SUCLG2: variants seen among roughly 807,000 people sequenced by gnomAD.
SUCLG2 encodes the protein succinate--CoA ligase [GDP-forming] subunit beta, mitochondrial.
Under a neutral mutation model 47.9 loss-of-function variants are expected in SUCLG2, and 42 were observed. That is an observed-to-expected ratio of 0.88 (90% CI 0.69 to 1.14). SUCLG2 has a LOEUF of 1.14. Ranked by LOEUF, SUCLG2 falls within the 50% of genes most tolerant of loss-of-function variation. The probability of loss-of-function intolerance (pLI) is 0.00; values close to 1 mark genes in which losing one functional copy is unlikely to be tolerated. For missense variants in SUCLG2, 571 were observed against 525.9 expected, an observed-to-expected ratio of 1.09 and a Z score of -0.84; for synonymous variants, 195 against 197.3, an observed-to-expected ratio of 0.99 and a Z score of 0.10.
intron 9 of SUCLG2, among the ~76,000 whole-genome samples, chr3:67,469,074 T>C (rs1228615058): frequency 1.3e-5 from 2 of 152,040 alleles, no homozygotes; most frequent in Admixed American, 6.5e-5. Flanking sequence ...AGTCGAAGTC[T>C]TGAAGATGGA....
intron 9 of SUCLG2, among the ~76,000 whole-genome samples, chr3:67,472,940 TA>T (rs1243242056): frequency 1.1e-4 from 17 of 152,084 alleles, no homozygotes; most frequent in African/African-American, 3.9e-4. Context: ...TGACTAAAAG[TA>T]TAAGGGTGTA....
At chr3:67,426,571 T>C (rs938391973) in intron 9 of SUCLG2, among the ~76,000 whole-genome samples, 7 of 152,178 alleles carry the variant, frequency 4.6e-5, no homozygotes, top group African/African-American at 7.2e-5. Context: ...TTTTCTCCAG[T>C]ATTGAAATGT....
chr3:67,628,682 G>A (rs950477109), intron 1 of SUCLG2, among the ~76,000 whole-genome samples: 1 of 152,138 alleles, frequency 6.6e-6, no homozygotes, highest in African/African-American at 2.4e-5. Flanking sequence ...ATAAAGGAGA[G>A]TTCCCTGCAC....
intron 1 of SUCLG2, among the ~76,000 whole-genome samples, chr3:67,632,139 A>G (rs1367600818): frequency 6.6e-6 from 1 of 152,160 alleles, no homozygotes; most frequent in Non-Finnish European, 1.5e-5. Flanking sequence ...GTACAAATAA[A>G]TAGACAAATA....
intron 1 of SUCLG2, among the ~76,000 whole-genome samples, chr3:67,651,930 G>A (rs13318896): frequency 3.3e-4 from 50 of 152,078 alleles, no homozygotes; most frequent in African/African-American, 1.1e-3. Context: ...TTCATTATTG[G>A]TTATATGTGT....
At chr3:67,382,932 T>G (rs1420267455) in intron 10 of SUCLG2, among the ~76,000 whole-genome samples, 1 of 152,166 alleles carries the variant, frequency 6.6e-6, no homozygotes, top group East Asian at 1.9e-4. Flanking sequence ...CCTTCCTTAG[T>G]CTCCTTTCAA....
At chr3:67,594,329 CCCATTTG>C (rs1708245884) in intron 2 of SUCLG2, among the ~76,000 whole-genome samples, 1 of 152,320 alleles carries the variant, frequency 6.6e-6, no homozygotes, top group East Asian at 1.9e-4. Context: ...TGGGCTCCAA[CCCATTTG>C]CCAGACCTCA....
chr3:67,495,004 G>A (rs964939108), intron 9 of SUCLG2, among the ~76,000 whole-genome samples: 2 of 152,186 alleles, frequency 1.3e-5, no homozygotes, highest in African/African-American at 4.8e-5. Flanking sequence ...TAGTACATAT[G>A]TTACAAACTA....
At chr3:67,422,859 A>C (rs1703201605) in intron 9 of SUCLG2, among the ~76,000 whole-genome samples, 1 of 152,154 alleles carries the variant, frequency 6.6e-6, no homozygotes, top group South Asian at 2.1e-4. Context: ...CAGCTACACC[A>C]AGAGAGATGG....
chr3:67,591,780 T>C (rs114485477), intron 2 of SUCLG2, among the ~76,000 whole-genome samples: 1,958 of 152,294 alleles, frequency 0.013, 41 homozygotes, highest in African/African-American at 0.045. Flanking sequence ...TGGAGTACAC[T>C]AGTCACTGTG....
intron 9 of SUCLG2, among the ~76,000 whole-genome samples, chr3:67,480,484 A>G (rs948183298): frequency 1.3e-5 from 2 of 152,326 alleles, no homozygotes; most frequent in East Asian, 3.9e-4. Flanking sequence ...TTTGAAAACC[A>G]TGGAGTCATG....
At chr3:67,383,278 T>C (rs1053416874) in intron 10 of SUCLG2, among the ~76,000 whole-genome samples, 2 of 152,234 alleles carry the variant, frequency 1.3e-5, no homozygotes, top group African/African-American at 2.4e-5. Flanking sequence ...AGCAACCTTA[T>C]AGAGTTGCCC....
At chr3:67,388,668 C>A (rs17046394) in intron 10 of SUCLG2, among the ~76,000 whole-genome samples, 5,891 of 152,244 alleles carry the variant, frequency 0.039, 370 homozygotes, top group African/African-American at 0.13. Context: ...GCTTTTTAGA[C>A]TAAGGAAATG....
intron 10 of SUCLG2, among the ~76,000 whole-genome samples, chr3:67,367,134 T>C (rs1701886188): frequency 6.6e-6 from 1 of 152,226 alleles, no homozygotes; most frequent in African/African-American, 2.4e-5. Flanking sequence ...TAACTAATTA[T>C]ATTATTCCAG....
rs572817886 is a variant in SUCLG2 at position 67,594,512 on chromosome 3, T to TA, written c.226+14942dup. ...TCGTGTTCATCCTCACAGGTCAGCT[T>TA]AAAAATCACCTCCTCAGAGAAGCCT... On this transcript the variant is annotated intron_variant, in intron 2 of 10. Coordinates refer to ENST00000307227, the MANE Select transcript of SUCLG2 (RefSeq NM_003848.4). Among the ~76,000 whole-genome samples, 1,084 of 152,308 alleles carry TA rather than the reference T, an allele frequency of 7.1e-3. 8 individuals carry two copies. The highest frequency in any genetic ancestry group is 0.011 in the Non-Finnish European group (730 of 68,020).
intron 2 of SUCLG2, among the ~76,000 whole-genome samples, chr3:67,542,457 C>T (rs945693638): frequency 2.0e-5 from 3 of 152,124 alleles, no homozygotes; most frequent in Admixed American, 2.0e-4. Context: ...ATCATAACAA[C>T]AGGATCAAAT....
intron 2 of SUCLG2, among the ~76,000 whole-genome samples, chr3:67,543,905 C>A (rs1575766999): frequency 6.6e-6 from 1 of 152,142 alleles, no homozygotes; most frequent in South Asian, 2.1e-4. Flanking sequence ...TACCATTTTA[C>A]CACATGGGGT....
At chr3:67,578,304 A>T (rs921200290) in intron 2 of SUCLG2, among the ~76,000 whole-genome samples, 2 of 148,152 alleles carry the variant, frequency 1.3e-5, no homozygotes, top group Non-Finnish European at 3.0e-5. Context: ...TCATATATAT[A>T]CATATATATG....
intron 9 of SUCLG2, among the ~76,000 whole-genome samples, chr3:67,416,031 T>A (rs551356663): frequency 5.4e-4 from 83 of 152,352 alleles, no homozygotes; most frequent in Admixed American, 9.1e-4. Context: ...TCAGGCCTCC[T>A]ACCAACTGCC....
Sources: gnomAD v4.1 joint callset for allele counts (sites outside exome capture counted in the v4.1 genomes callset) on GRCh38, gnomAD v4.1.1 for gene constraint, MANE v1.5 for transcripts, NCBI Gene and HGNC (gene_info 2026-07-23, HGNC 2026-07-21) for gene names.